Variants in PTCD1 observed in about 807,000 individuals in gnomAD.
PTCD1 encodes the protein pentatricopeptide repeat-containing protein 1, mitochondrial.
Under a neutral mutation model 53.4 loss-of-function variants are expected in PTCD1, and 50 were observed. The ratio of observed to expected loss-of-function variants is 0.94; its 90% CI spans 0.75 to 1.19. The LOEUF (loss-of-function observed/expected upper bound fraction) is 1.19. Among genes scored for constraint, PTCD1 ranks in the 50% most tolerant of loss-of-function variants. The pLI is 0.00. For missense variants in PTCD1, 918 were observed against 904.8 expected (o/e 1.01, Z -0.19); for synonymous variants, 413 against 394.8 (o/e 1.05, Z -0.55).
intron 5 of PTCD1, among the ~76,000 whole-genome samples, chr7:99,427,114 C>T (rs1796064658): frequency 6.6e-6 from 1 of 151,248 alleles, no homozygotes; most frequent in Admixed American, 6.6e-5. Context: ...GCCAGCCGCC[C>T]CGTCCGGGAG....
chr7:99,434,964 A>G lies in PTCD1; in HGVS notation c.279T>C (p.Ser93=). The change falls in exon 2 of 8, where the codon TCT becomes TCC. Residue 93 remains serine (S), a synonymous_variant. Transcript: ENST00000292478. ...ATAGTCTCCGGGAGGAGTATTTGTCAGAGAGGGTCCCAAAACTCTCCTCCT... is the reference window on the plus strand; with the variant it reads ...ATAGTCTCCGGGAGGAGTATTTGTCGGAGAGGGTCCCAAAACTCTCCTCCT... ...EEEEESFGTL[S]DKYSSRRLFR... is the part of the protein sequence containing the mutation. 2 of 1,614,228 alleles carry G rather than the reference A, an allele frequency of 1.2e-6. No individual in the cohort carries two copies. The highest frequency in any genetic ancestry group is 1.7e-6 in the Non-Finnish European group (2 of 1,180,050).
At chr7:99,430,734 A>T (rs1796220239) in intron 3 of PTCD1, among the ~76,000 whole-genome samples, 1 of 152,184 alleles carries the variant, frequency 6.6e-6, no homozygotes, top group African/African-American at 2.4e-5. Context: ...ATCCTTACTG[A>T]GCTTACACTC....
intron 1 of PTCD1, among the ~76,000 whole-genome samples, 197 bp from the exon 2 acceptor site, chr7:99,435,465 C>A (rs888069705): frequency 1.1e-4 from 17 of 150,352 alleles, no homozygotes; most frequent in African/African-American, 4.2e-4. Flanking sequence ...ATGGTGAAAC[C>A]CCGTCTCTAT....
At chr7:99,432,172 C>T (rs1344316881) in intron 3 of PTCD1, among the ~76,000 whole-genome samples, 1 of 152,188 alleles carries the variant, frequency 6.6e-6, no homozygotes, top group Non-Finnish European at 1.5e-5. Flanking sequence ...GCCTGTCCCC[C>T]AGCCCGACGC....
Position 99,425,034 on chromosome 7 carries a change from C to A in PTCD1, c.1498G>T (p.Gly500Trp). 1 of 1,614,222 alleles carries A rather than the reference C, an allele frequency of 6.2e-7. No individual in the cohort carries two copies. The highest frequency in any genetic ancestry group is 8.5e-7 in the Non-Finnish European group (1 of 1,180,044). The change falls in exon 6 of 8, where the codon GGG becomes TGG. Residue 500 changes from glycine to tryptophan, a missense_variant. Gly to Trp is a radical substitution (Grantham distance 184). Transcript: ENST00000292478. Reference sequence around the variant, plus strand: ...AGCAGCAAGGACTCTGCAGGACTCCCGGACTCCACCACCTCGGCCAGTAGC... The same window carrying A: ...AGCAGCAAGGACTCTGCAGGACTCCAGGACTCCACCACCTCGGCCAGTAGC... The part of the protein sequence containing the change: ...LTLLAEVVES[G>W]SPAESLLLAL...
rs1796407094 is a variant in PTCD1, at chr7:99,435,057, G to C, written c.186C>G (p.Asn62Lys). The change falls in exon 2 of 8, where the codon AAC (asparagine) becomes AAG (lysine). Residue 62 changes from asparagine to lysine, a missense_variant. Coordinates refer to ENST00000292478, the MANE Select transcript of PTCD1 (RefSeq NM_015545.4). ...TCGGGTCAGAGCCCAGGCTGCCCGT[G>C]TTTTCCTGACGCTCCTGGCCGAGGG... ...QLPLGQERQE[N>K]TGSLGSDPSH... 6.2e-7 allele frequency: 1 copy of C among 1,612,650 alleles called. No homozygotes were observed. Among genetic ancestry groups the C allele is most frequent in the Middle Eastern group, 1.7e-4 (1 of 6,052 alleles).
chr7:99,429,287 G>T (rs1796172045), intron 4 of PTCD1, 83 bp from the exon 5 acceptor site: 2 of 1,529,448 alleles, frequency 1.3e-6, no homozygotes, highest in South Asian at 1.1e-5. Flanking sequence ...CTGGCACATT[G>T]GGAGGCCAAG....
In PTCD1 at chr7:99,429,173, T is replaced by A. The variant is rs1796166182; in HGVS notation, c.845A>T (p.Glu282Val). 1.2e-6 allele frequency: 2 copies of A among 1,613,996 alleles called. No individual in the cohort carries two copies. Among genetic ancestry groups the A allele is most frequent in the Non-Finnish European group, 1.7e-6 (2 of 1,180,016 alleles). Residue 282 changes from glutamate (E) to valine (V), a missense_variant, in exon 5 of 8, where the codon GAG (glutamate) becomes GTG (valine). Transcript: ENST00000292478. ...EIIHKGHVVT[E>V]ETFSFLLMGC... ...CATGAGCAGGAAACTGAAGGTCTCC[T>A]CTGTGACCACGTGCCCTTTGTGGAT...
intron 5 of PTCD1, among the ~76,000 whole-genome samples, chr7:99,428,496 C>T (rs948748481): frequency 4.6e-5 from 7 of 151,792 alleles, no homozygotes; most frequent in African/African-American, 1.7e-4. Flanking sequence ...AATCCCAGCA[C>T]TTTGGGAGGC....
Position 99,425,571 on chromosome 7 carries a change from T to C in PTCD1, c.961A>G (p.Ser321Gly), listed in dbSNP as rs1219876672. ...GCTGCCACCAACAGCAGGTTGTAGC[T>C]GTCCCGGCTCGGCTGTAGCCCTAGA... ...LSLGLQPSRD[S>G]YNLLLVAARD... Residue 321 changes from serine to glycine, a missense_variant, in exon 6 of 8, where the codon AGC becomes GGC. Physicochemically the swap from Ser to Gly is moderately conservative, Grantham distance 56 (BLOSUM62 0). Transcript: ENST00000292478. The C allele has an allele frequency of 4.3e-6, 7 of 1,612,220 alleles. No individual in the cohort carries two copies. In the Admixed American group the frequency reaches 5.0e-5, roughly 12 times the overall value.
In PTCD1 at chr7:99,434,802, G is replaced by A. The variant is rs770072526; in HGVS notation, c.441C>T (p.Ile147=). 2 of 1,613,964 alleles carry A rather than the reference G, an allele frequency of 1.2e-6. No homozygotes were observed. The highest frequency in any genetic ancestry group is 1.3e-5 in the African/African-American group (1 of 74,910). ...YWYFLQCKHL[I]KEGKLVEALD... ...AAGTGCCCCTTACCTTCCCTTCCTTGATCAGGTGTTTGCACTGCAAGAAGT... is the reference window on the plus strand; with the variant it reads ...AAGTGCCCCTTACCTTCCCTTCCTTAATCAGGTGTTTGCACTGCAAGAAGT... The change falls in exon 2 of 8, where the codon ATC becomes ATT. Residue 147 remains isoleucine (I), a synonymous_variant. Coordinates refer to ENST00000292478, the MANE Select transcript of PTCD1 (RefSeq NM_015545.4).
intron 5 of PTCD1, among the ~76,000 whole-genome samples, chr7:99,428,738 A>G (rs1293716730): frequency 3.9e-5 from 6 of 152,082 alleles, no homozygotes; most frequent in East Asian, 1.9e-4. Context: ...ATCTCAAAAT[A>G]AATGAATGAA....
chr7:99,437,086 G>T (rs575079359), intron 1 of PTCD1, among the ~76,000 whole-genome samples: 370 of 152,254 alleles, frequency 2.4e-3, no homozygotes, highest in Non-Finnish European at 4.1e-3. Flanking sequence ...GGCTGGTCTA[G>T]AACTCCTGGC....
chr7:99,417,978 G>GT lies in PTCD1; in HGVS notation c.*1988_*1989insA. ...TAACATTACCATCACTATCTTTCCC[G>GT]CCCCCCCAAGACGGAGTCTTGCTTT... On this transcript the variant is annotated 3_prime_UTR_variant, in exon 8 of 8. Coordinates refer to ENST00000292478, the MANE Select transcript of PTCD1 (RefSeq NM_015545.4). 8.5e-7 allele frequency: 1 copy of GT among 1,178,446 alleles called. No homozygotes were observed. The highest frequency in any genetic ancestry group is 1.1e-6 in the Non-Finnish European group (1 of 940,564). 73.0% of individuals were successfully genotyped at this position (1,178,446 alleles called of 1,614,324 possible).
rs571988991 is a variant in PTCD1, at chr7:99,417,770, G to T, written c.*2197C>A. The T allele has an allele frequency of 6.5e-7, 1 of 1,531,372 alleles. No individual in the cohort carries two copies. The highest frequency in any genetic ancestry group is 2.0e-5 in the Admixed American group (1 of 50,854). The allele number at this position is 1,531,372 out of a possible 1,614,324, so 94.9% of individuals were successfully genotyped here. On this transcript the variant is annotated 3_prime_UTR_variant, in exon 8 of 8. Transcript: ENST00000292478. ...TATTCAGGAATCCATGTGAGGCAGC[G>T]TGTGGCTGTGTGTTTGTTAGGTCTG...
intron 1 of PTCD1, 118 bp from the exon 2 acceptor site, chr7:99,435,386 C>A: frequency 1.5e-6 from 2 of 1,348,106 alleles, no homozygotes; most frequent in South Asian, 1.3e-5. Context: ...TGCCTGTAAT[C>A]CCAGCACTTT....
intron 7 of PTCD1, 86 bp downstream of exon 7, chr7:99,423,689 C>G: frequency 6.2e-7 from 1 of 1,605,278 alleles, no homozygotes; most frequent in Non-Finnish European, 8.5e-7. Context: ...AACACAATCC[C>G]AAGGGCCAGA....
chr7:99,431,126 G>GT (rs561420202), intron 3 of PTCD1, among the ~76,000 whole-genome samples: 9 of 151,312 alleles, frequency 5.9e-5, no homozygotes, highest in Admixed American at 2.0e-4. Context: ...AAAAATATTA[G>GT]TTTTTTTTCT....
At chr7:99,422,192 CA>C (rs796754532) in intron 7 of PTCD1, among the ~76,000 whole-genome samples, 18 of 152,346 alleles carry the variant, frequency 1.2e-4, no homozygotes, top group African/African-American at 3.8e-4. Flanking sequence ...TGCCTTCAGC[CA>C]GACACAATTT....
Sources: gnomAD v4.1 joint callset for allele counts (sites outside exome capture counted in the v4.1 genomes callset) on GRCh38, gnomAD v4.1.1 for gene constraint, MANE v1.5 for transcripts, NCBI Gene and HGNC (gene_info 2026-07-23, HGNC 2026-07-21) for gene names.